Variants in LUC7L2 observed in about 807,000 individuals in gnomAD.
The protein encoded by LUC7L2 is LUC7 like 2, pre-mRNA splicing factor, also known as putative RNA-binding protein Luc7-like 2.
Under a neutral mutation model 52.8 loss-of-function variants are expected in LUC7L2, and 25 were observed. The ratio of observed to expected loss-of-function variants is 0.47; its 90% CI spans 0.34 to 0.66. The LOEUF is 0.66. Among genes scored for constraint, LUC7L2 ranks in the 30% least tolerant of loss-of-function variants. The probability of loss-of-function intolerance (pLI) is 0.01; values close to 1 mark genes in which losing one functional copy is unlikely to be tolerated. For synonymous variants in LUC7L2, 144 were observed against 160.9 expected (o/e 0.89, Z 0.80); for missense variants, 328 against 497.8 (o/e 0.66, Z 3.25).
chr7:139,345,491 G>T, intron 1 of LUC7L2: 1 of 1,614,018 alleles, frequency 6.2e-7, no homozygotes, highest in Admixed American at 1.7e-5. Context: ...CTGACTTGCT[G>T]CTTCTCTAGG....
chr7:139,375,916 TAGGA>T, intron 1 of LUC7L2, 142 bp from the exon 2 acceptor site: 1 of 728,448 alleles, frequency 1.4e-6, no homozygotes, highest in African/African-American at 1.8e-5. Flanking sequence ...AGTTTTTCTA[TAGGA>T]TGTATATAAA....
At chr7:139,398,500 T>A in intron 2 of LUC7L2, 99 bp from the exon 3 acceptor site, 1 of 879,082 alleles carries the variant, frequency 1.1e-6, no homozygotes, top group Non-Finnish European at 1.6e-6. Flanking sequence ...AAAAAGCATC[T>A]GTATGACTTA....
chr7:139,412,605 A>G, intron 8 of LUC7L2, 25 bp downstream of exon 8: 3 of 1,587,060 alleles, frequency 1.9e-6, no homozygotes, highest in South Asian at 1.2e-5. Flanking sequence ...TAAGACAGGT[A>G]TAAGTAGTGA....
intron 2 of LUC7L2, among the ~76,000 whole-genome samples, chr7:139,394,212 A>G (rs144412532): frequency 6.6e-6 from 1 of 152,346 alleles, no homozygotes; most frequent in East Asian, 1.9e-4. Flanking sequence ...TGGCTTGTTA[A>G]TAAGCCGCCC....
chr7:139,413,150 C>T lies in LUC7L2; in HGVS notation c.809+570C>T, dbSNP rs144214496. Among the ~76,000 whole-genome samples, 263 of 152,280 alleles carry T rather than the reference C, an allele frequency of 1.7e-3. 1 individual carries two copies. Among genetic ancestry groups the T allele is most frequent in the East Asian group, 0.015 (77 of 5,194 alleles). On this transcript the variant is annotated intron_variant, in intron 8 of 9. Coordinates refer to ENST00000354926, the MANE Select transcript of LUC7L2 (RefSeq NM_016019.5). The stretch of plus-strand genomic sequence containing the variant: ...GCAGCCTTAAAAGAGCAAGACAATA[C>T]TTTGTTTTGACTTTCAGCGTTAATA...
intron 2 of LUC7L2, among the ~76,000 whole-genome samples, chr7:139,381,346 T>G (rs6467841): frequency 0.39 from 58,266 of 151,332 alleles, 15,671 homozygotes; most frequent in African/African-American, 0.77. Flanking sequence ...TCAACTCAAA[T>G]TTTACATATT....
chr7:139,377,651 C>G (rs1569374455), intron 2 of LUC7L2, among the ~76,000 whole-genome samples: 2 of 152,034 alleles, frequency 1.3e-5, no homozygotes, highest in East Asian at 3.9e-4. Context: ...CTTGGCCTCC[C>G]AAAGTACTGG....
At chr7:139,392,361 T>A (rs1794479885) in intron 2 of LUC7L2, 1 of 330,238 alleles carries the variant, frequency 3.0e-6, no homozygotes, top group South Asian at 2.3e-5. Context: ...TTTGGGGAAA[T>A]AACATTCACT....
At chr7:139,377,825 CTTTTTTTTTTTT>C (rs11346680) in intron 2 of LUC7L2, among the ~76,000 whole-genome samples, 3 of 98,306 alleles carry the variant, frequency 3.1e-5, no homozygotes, top group Admixed American at 2.1e-4. Context: ...CCGCGCCTGG[CTTTTTTTTTTTT>C]TTTTTTTTTT....
At chr7:139,371,622 C>T (rs1262386814) in intron 1 of LUC7L2, among the ~76,000 whole-genome samples, 1 of 152,006 alleles carries the variant, frequency 6.6e-6, no homozygotes, top group East Asian at 1.9e-4. Context: ...CAGATACTAC[C>T]TAGGCTAAGG....
chr7:139,417,258 C>T (rs1362524998), intron 8 of LUC7L2: 1 of 313,504 alleles, frequency 3.2e-6, no homozygotes, highest in Non-Finnish European at 6.1e-6. Flanking sequence ...CTAGGCTGGT[C>T]TTGAAATCCT....
In LUC7L2 at chr7:139,404,228, G is replaced by A. The variant is rs530948604; in HGVS notation, c.367-1416G>A. On this transcript the variant is annotated intron_variant, in intron 4 of 9. Coordinates refer to ENST00000354926, the MANE Select transcript of LUC7L2 (RefSeq NM_016019.5). Reference sequence around the variant, plus strand: ...AAACTCATACCAAACTAAAACCTTCGGCCGGGCGTGGTGGCTCACACCTGT... The same window carrying A: ...AAACTCATACCAAACTAAAACCTTCAGCCGGGCGTGGTGGCTCACACCTGT... 1.6e-3 allele frequency among the ~76,000 whole-genome samples: 237 copies of A among 152,210 alleles called. 1 individual carries two copies. The highest frequency in any genetic ancestry group is 5.4e-3 in the African/African-American group (223 of 41,530).
chr7:139,378,876 G>T (rs1179595574), intron 2 of LUC7L2, among the ~76,000 whole-genome samples: 1 of 152,128 alleles, frequency 6.6e-6, no homozygotes, highest in African/African-American at 2.4e-5. Context: ...ATTCTGAAAG[G>T]TTCACAACTC....
At chr7:139,363,351 G>T in intron 1 of LUC7L2, 1 of 611,582 alleles carries the variant, frequency 1.6e-6, no homozygotes, top group Non-Finnish European at 2.0e-6. Flanking sequence ...ACTGTATTTG[G>T]ATTTTTCTGA....
At chr7:139,366,325 GT>G (rs1800151830) in intron 1 of LUC7L2, among the ~76,000 whole-genome samples, 1 of 152,092 alleles carries the variant, frequency 6.6e-6, no homozygotes. Flanking sequence ...AATGGTTTTT[GT>G]TTTTAATCTT....
chr7:139,362,812 C>A (rs1198734999), intron 1 of LUC7L2, among the ~76,000 whole-genome samples: 1 of 151,840 alleles, frequency 6.6e-6, no homozygotes, highest in Non-Finnish European at 1.5e-5. Context: ...TTCCCCCTCC[C>A]CTTCCTGACA....
chr7:139,406,650 G>A (rs1341161319), intron 5 of LUC7L2, among the ~76,000 whole-genome samples: 2 of 152,044 alleles, frequency 1.3e-5, no homozygotes, highest in Non-Finnish European at 2.9e-5. Flanking sequence ...CACCCGGCCT[G>A]GCCTGTTTTT....
In LUC7L2 at chr7:139,422,271, C is replaced by T. The variant is rs1795940006; in HGVS notation, c.1110C>T (p.Ser370=). The change falls in exon 10 of 10, where the codon TCC becomes TCT. Residue 370 remains serine, a synonymous_variant. Transcript: ENST00000354926. ...RDRDRKDKKR[S]YESANGRSED... is the part of the protein sequence containing the mutation. ...GAGATCGGAAAGATAAGAAGCGGTC[C>T]TATGAGAGTGCTAATGGCAGATCAG... is the stretch of plus-strand genomic sequence containing the variant. 6.2e-7 allele frequency: 1 copy of T among 1,614,060 alleles called. No individual in the cohort carries two copies. The highest frequency in any genetic ancestry group is 1.3e-5 in the African/African-American group (1 of 74,942).
chr7:139,393,835 G>C (rs2131264628), intron 2 of LUC7L2, among the ~76,000 whole-genome samples: 1 of 152,298 alleles, frequency 6.6e-6, no homozygotes, highest in Non-Finnish European at 1.5e-5. Flanking sequence ...GAGGAATATA[G>C]ATGACTAGTA....
Sources: allele counts gnomAD v4.1 joint callset (sites outside exome capture counted in the v4.1 genomes callset), GRCh38; gene constraint gnomAD v4.1.1; transcripts MANE v1.5; gene names NCBI Gene and HGNC (gene_info 2026-07-23, HGNC 2026-07-21).